WBP4: variants seen among roughly 807,000 people sequenced by gnomAD.
WBP4 encodes the protein WW domain-binding protein 4.
Under a neutral mutation model 55.4 loss-of-function variants are expected in WBP4, and 37 were observed. That is an observed-to-expected ratio of 0.67 (90% CI 0.51 to 0.88). WBP4 has a LOEUF of 0.88. Among genes scored for constraint, WBP4 ranks in the 40% least tolerant of loss-of-function variants. The pLI, the probability that WBP4 is intolerant of heterozygous loss-of-function variation, is 0.00. For missense variants in WBP4, 398 were observed against 420.8 expected (o/e 0.95, Z 0.47); for synonymous variants, 142 against 140.2 (o/e 1.01, Z -0.09).
At chr13:41,066,942 C>T (rs1490089188) in intron 4 of WBP4, among the ~76,000 whole-genome samples, 4 of 152,162 alleles carry the variant, frequency 2.6e-5, no homozygotes, top group African/African-American at 7.2e-5. Flanking sequence ...TTTATTAACC[C>T]GTTTTAGGAG....
chr13:41,070,143 C>T (rs1356039852), intron 5 of WBP4, among the ~76,000 whole-genome samples: 1 of 152,058 alleles, frequency 6.6e-6, no homozygotes, highest in Non-Finnish European at 1.5e-5. Flanking sequence ...TATATGGGAA[C>T]TCATAATAAT....
intron 2 of WBP4, 39 bp from the exon 3 acceptor site, chr13:41,064,977 T>C (rs1877884097): frequency 2.7e-6 from 4 of 1,500,868 alleles, no homozygotes; most frequent in African/African-American, 2.8e-5. Flanking sequence ...ATGATGTTTA[T>C]GTAGTTTTCT....
chr13:41,075,468 A>G (rs188381386), intron 7 of WBP4, among the ~76,000 whole-genome samples: 53 of 152,150 alleles, frequency 3.5e-4, no homozygotes, highest in African/African-American at 1.2e-3. Context: ...TGCAGCCTCT[A>G]TTTCCTGGGC....
chr13:41,062,702 G>A lies in WBP4; in HGVS notation c.61G>A (p.Ala21Thr), dbSNP rs1223415480. ...CTGTGATTACTGCAAGTGCTGGATA[G>A]CAGACAATAGGCCTGTATGATAATT... ...KFCDYCKCWI[A>T]DNRPSVEFHE... The change falls in exon 2 of 10, where the codon GCA becomes ACA. Residue 21 changes from alanine (A) to threonine (T), a missense_variant. Physicochemically the swap from Ala to Thr is moderately conservative, Grantham distance 58. Coordinates refer to ENST00000379487, the MANE Select transcript of WBP4 (RefSeq NM_007187.5). 6.2e-7 allele frequency: 1 copy of A among 1,613,240 alleles called. No individual in the cohort carries two copies. Among genetic ancestry groups the A allele is most frequent in the African/African-American group, 1.3e-5 (1 of 74,908 alleles).
At chr13:41,073,448 G>A (rs1194262334) in intron 7 of WBP4, among the ~76,000 whole-genome samples, 3 of 151,880 alleles carry the variant, frequency 2.0e-5, no homozygotes, top group South Asian at 2.1e-4. Context: ...GGGAGGCGGA[G>A]GTTGCAGTGA....
At chr13:41,079,157 A>C (rs1878649231) in intron 8 of WBP4, among the ~76,000 whole-genome samples, 1 of 152,242 alleles carries the variant, frequency 6.6e-6, no homozygotes, top group Non-Finnish European at 1.5e-5. Flanking sequence ...GGCATTTTTC[A>C]AAAGACACAC....
intron 2 of WBP4, among the ~76,000 whole-genome samples, chr13:41,064,514 A>G (rs1014865637): frequency 5.3e-5 from 8 of 152,166 alleles, no homozygotes; most frequent in African/African-American, 1.9e-4. Flanking sequence ...ACATTGTATA[A>G]AAGTGTTTGC....
intron 9 of WBP4, among the ~76,000 whole-genome samples, chr13:41,081,162 A>G (rs577935243): frequency 6.6e-6 from 1 of 152,056 alleles, no homozygotes; most frequent in African/African-American, 2.4e-5. Flanking sequence ...GCGCCACTGG[A>G]CTCCAGCCTA....
intron 6 of WBP4, among the ~76,000 whole-genome samples, chr13:41,072,550 G>A (rs1878294425): frequency 6.6e-6 from 1 of 152,216 alleles, no homozygotes; most frequent in Admixed American, 6.5e-5. Flanking sequence ...CAGCACCAAA[G>A]GTGGATGGTG....
intron 4 of WBP4, among the ~76,000 whole-genome samples, chr13:41,068,123 G>A (rs1288587100): frequency 6.6e-6 from 1 of 151,998 alleles, no homozygotes; most frequent in Non-Finnish European, 1.5e-5. Flanking sequence ...ATGGAATCTG[G>A]ACTTTTAGTA....
chr13:41,078,189 T>C (rs1017617397), intron 8 of WBP4, among the ~76,000 whole-genome samples: 23 of 152,106 alleles, frequency 1.5e-4, no homozygotes, highest in African/African-American at 5.3e-4. Flanking sequence ...ACCATAGCAG[T>C]CCTAAGCAAA....
At chr13:41,078,804 G>A (rs1274323936) in intron 8 of WBP4, among the ~76,000 whole-genome samples, 1 of 151,796 alleles carries the variant, frequency 6.6e-6, no homozygotes, top group East Asian at 1.9e-4. Context: ...TCCAGCCTGG[G>A]CGACAAGAGT....
At chr13:41,078,049 C>T (rs1396422493) in intron 8 of WBP4, among the ~76,000 whole-genome samples, 5 of 152,136 alleles carry the variant, frequency 3.3e-5, no homozygotes, top group Admixed American at 3.3e-4. Context: ...ATCAATATCA[C>T]TAAAATGACA....
intron 7 of WBP4, among the ~76,000 whole-genome samples, chr13:41,073,544 G>C (rs1396952886): frequency 6.6e-6 from 1 of 151,880 alleles, no homozygotes; most frequent in African/African-American, 2.4e-5. Context: ...GCTAGGCGCG[G>C]TGGCTCACGC....
At chr13:41,062,824 C>G in intron 2 of WBP4, 108 bp downstream of exon 2, 1 of 879,408 alleles carries the variant, frequency 1.1e-6, no homozygotes, top group South Asian at 2.2e-5. Flanking sequence ...ATTGCTCTTG[C>G]ATTTTCAAAA....
intron 7 of WBP4, 134 bp from the exon 8 acceptor site, chr13:41,075,910 C>T: frequency 1.0e-6 from 1 of 987,986 alleles, no homozygotes; most frequent in Non-Finnish European, 1.5e-6. Flanking sequence ...ACTCTGTTAT[C>T]TTCTTGATCA....
intron 7 of WBP4, 76 bp downstream of exon 7, chr13:41,072,933 C>G: frequency 1.7e-6 from 2 of 1,197,166 alleles, no homozygotes; most frequent in Non-Finnish European, 2.4e-6. Context: ...GATTAATCAT[C>G]TGAACTTGGA....
intron 4 of WBP4, 94 bp from the exon 5 acceptor site, chr13:41,068,467 A>G: frequency 8.3e-7 from 1 of 1,208,204 alleles, no homozygotes; most frequent in Admixed American, 2.8e-5. Context: ...GAACCTTATC[A>G]GGTTTTTGAT....
chr13:41,075,227 A>G (rs1272560862), intron 7 of WBP4, among the ~76,000 whole-genome samples: 1 of 152,184 alleles, frequency 6.6e-6, no homozygotes, highest in African/African-American at 2.4e-5. Context: ...TTGTTTTACT[A>G]AAAGCCCAAT....
Sources: gnomAD v4.1 joint callset for allele counts (sites outside exome capture counted in the v4.1 genomes callset) on GRCh38, gnomAD v4.1.1 for gene constraint, MANE v1.5 for transcripts, NCBI Gene and HGNC (gene_info 2026-07-23, HGNC 2026-07-21) for gene names.